Variants in VPS13C observed in about 807,000 individuals in gnomAD.
The protein encoded by VPS13C is vacuolar protein sorting 13 homolog C.
Under a neutral mutation model 456.8 loss-of-function variants are expected in VPS13C, and 358 were observed. The observed-to-expected ratio is 0.78, with a 90% confidence interval of 0.72 to 0.86. The LOEUF (loss-of-function observed/expected upper bound fraction) is 0.86. Among genes scored for constraint, VPS13C ranks in the 40% least tolerant of loss-of-function variants. The pLI is 0.00. For synonymous variants in VPS13C, 1,578 were observed against 1,486.7 expected, an observed-to-expected ratio of 1.06 and a Z score of -1.41; for missense variants, 4,818 against 4,385.4, an observed-to-expected ratio of 1.10 and a Z score of -2.79.
intron 66 of VPS13C, among the ~76,000 whole-genome samples, chr15:61,898,126 C>T (rs181910030): frequency 1.2e-4 from 18 of 151,952 alleles, no homozygotes; most frequent in African/African-American, 3.6e-4. Context: ...AAGGAAGAAC[C>T]GGTACCAGCC....
intron 15 of VPS13C, among the ~76,000 whole-genome samples, chr15:62,001,924 G>C (rs1596458966): frequency 6.6e-6 from 1 of 152,128 alleles, no homozygotes; most frequent in East Asian, 1.9e-4. Context: ...ATCATTGTTG[G>C]ACATTTGGGT....
rs199590167 is a variant in VPS13C at position 61,884,111 on chromosome 15, A to C, written c.9483+17T>G. On this transcript the variant is annotated intron_variant, in intron 68 of 84. Transcript: ENST00000644861. ...AAATACACATATAAAAATCAAAACA[A>C]AAGAATTTTGGTATACCTCAAAATT... is the stretch of plus-strand genomic sequence containing the variant. 110 of 1,566,646 alleles carry C rather than the reference A, an allele frequency of 7.0e-5. No individual in the cohort carries two copies. The highest frequency in any genetic ancestry group is 8.7e-5 in the Non-Finnish European group (101 of 1,166,338).
intron 11 of VPS13C, 81 bp downstream of exon 11, chr15:62,012,958 G>C (rs2047098190): frequency 1.1e-6 from 1 of 878,346 alleles, no homozygotes; most frequent in Non-Finnish European, 1.8e-6. Flanking sequence ...CTGATATCCT[G>C]TCCTCATGAA....
chr15:61,907,312 T>C lies in VPS13C; in HGVS notation c.9057A>G (p.Lys3019=), dbSNP rs750040299. 3.1e-6 allele frequency: 5 copies of C among 1,614,014 alleles called. No individual in the cohort carries two copies. In the South Asian group the frequency reaches 5.5e-5, roughly 18 times the overall value. Residue 3019 remains lysine (K), a synonymous_variant, in exon 66 of 85, where the codon AAA becomes AAG. Transcript: ENST00000644861. The part of the protein sequence containing the change: ...FAWADPTGTR[K]LTWTYAANVG... ...CATTTGCTGCATATGTCCATGTAAG[T>C]TTTCTGGTACCAGTAGGATCTGCCC...
chr15:61,966,977 T>C (rs1240364509), intron 29 of VPS13C, among the ~76,000 whole-genome samples: 1 of 151,968 alleles, frequency 6.6e-6, no homozygotes, highest in African/African-American at 2.4e-5. Flanking sequence ...ATACGAAATA[T>C]TTTCGTGGCC....
intron 16 of VPS13C, among the ~76,000 whole-genome samples, chr15:61,998,785 A>T (rs966567642): frequency 1.3e-5 from 2 of 152,180 alleles, no homozygotes; most frequent in African/African-American, 2.4e-5. Flanking sequence ...GAGTACACTT[A>T]TACAAGGATT....
chr15:62,040,666 T>C (rs191684105), intron 3 of VPS13C, among the ~76,000 whole-genome samples: 89 of 152,126 alleles, frequency 5.9e-4, no homozygotes, highest in Non-Finnish European at 9.3e-4. Context: ...ACTCAATATA[T>C]CCATGTAACA....
At chr15:62,048,364 T>C (rs1036884465) in intron 1 of VPS13C, among the ~76,000 whole-genome samples, 18 of 151,566 alleles carry the variant, frequency 1.2e-4, no homozygotes, top group Admixed American at 2.6e-4. Flanking sequence ...TTTGGTTTTT[T>C]GTCCTTGCGA....
At chr15:62,043,467 G>A (rs139052055) in intron 2 of VPS13C, among the ~76,000 whole-genome samples, 1,944 of 152,180 alleles carry the variant, frequency 0.013, 40 homozygotes, top group African/African-American at 0.045. Context: ...TTACCCAGGC[G>A]TGGTGGCACA....
chr15:61,877,111 G>C lies in VPS13C; in HGVS notation c.10143-57C>G, dbSNP rs547478818. 28 of 1,403,632 alleles carry C rather than the reference G, an allele frequency of 2.0e-5. No individual in the cohort carries two copies. The South Asian group carries it at 3.8e-4, about 19-fold the overall frequency. The allele number at this position is 1,403,632 out of a possible 1,614,324, so 86.9% of individuals were successfully genotyped here. A position where few individuals can be genotyped will look rare whatever the true frequency, so the allele number is the denominator to read the frequency against. On this transcript the variant is annotated intron_variant, in intron 74 of 84. Transcript: ENST00000644861. ...ACTAATATTATATGATAAAAAAAGA[G>C]ACTTAAAATTTGAATGACAGCTAAT...
At chr15:61,950,540 G>C in intron 40 of VPS13C, 123 bp from the exon 41 acceptor site, 4 of 702,782 alleles carry the variant, frequency 5.7e-6, no homozygotes, top group South Asian at 4.6e-5. Flanking sequence ...TTTCCTAAAG[G>C]CAAAGAAAGC....
chr15:61,972,798 A>G, intron 26 of VPS13C, 34 bp from the exon 27 acceptor site: 1 of 1,572,690 alleles, frequency 6.4e-7, no homozygotes, highest in Non-Finnish European at 8.6e-7. Context: ...GATCTGAGAC[A>G]ATGTACATTG....
chr15:61,871,051 G>A (rs1307706725), intron 79 of VPS13C, among the ~76,000 whole-genome samples: 1 of 151,842 alleles, frequency 6.6e-6, no homozygotes, highest in African/African-American at 2.4e-5. Context: ...TCCATTCTGT[G>A]GGCTGTCTTT....
intron 47 of VPS13C, 49 bp from the exon 48 acceptor site, chr15:61,936,799 G>A: frequency 1.3e-6 from 2 of 1,527,248 alleles, no homozygotes; most frequent in African/African-American, 1.4e-5. Context: ...AAAAAATGTA[G>A]ACTATCATAT....
chr15:61,991,062 C>A lies in VPS13C; in HGVS notation c.1516G>T (p.Asp506Tyr). ...TAACCAATGGCAGTGAAGAGTTTAT[C>A]TTTTTCCTCTGGAGTCATAAGGTCA... is the stretch of plus-strand genomic sequence containing the variant. ...IDDLMTPEEK[D>Y]KLFTAIGYSE... Residue 506 changes from aspartate (D) to tyrosine (Y), a missense_variant, in exon 18 of 85, where the codon GAT (aspartate) becomes TAT (tyrosine). Physicochemically the swap from Asp to Tyr is radical, Grantham distance 160. Transcript: ENST00000644861. 1 of 1,612,376 alleles carries A rather than the reference C, an allele frequency of 6.2e-7. No homozygotes were observed. Among genetic ancestry groups the A allele is most frequent in the Non-Finnish European group, 8.5e-7 (1 of 1,179,428 alleles).
At chr15:62,004,717 T>G (rs1232780468) in intron 15 of VPS13C, among the ~76,000 whole-genome samples, 2 of 151,492 alleles carry the variant, frequency 1.3e-5, no homozygotes. Context: ...TCTGGTATGT[T>G]GTGTCTTTGT....
At chr15:61,983,270 A>G (rs1354780145) in intron 20 of VPS13C, among the ~76,000 whole-genome samples, 2 of 152,178 alleles carry the variant, frequency 1.3e-5, no homozygotes, top group Non-Finnish European at 2.9e-5. Context: ...CCTACAAGTG[A>G]TGCAATGAGT....
At position 61,991,743 on chromosome 15, in the gene VPS13C, T is replaced by C. The variant is rs1172752356; in HGVS notation, c.1413A>G (p.Gly471=). 9 of 1,613,512 alleles carry C rather than the reference T, an allele frequency of 5.6e-6. No individual in the cohort carries two copies. The African/African-American group carries it at 1.2e-4, about 22-fold the overall frequency. The stretch of plus-strand genomic sequence containing the variant: ...TACCCCACAACCCACTAAACCAGCC[T>C]CCACGTTTCTCGCCTGTGTCAGCAG... The part of the protein sequence containing the change: ...KKSADTGEKR[G]GWFSGLWGKK... The change falls in exon 17 of 85, where the codon GGA becomes GGG. Residue 471 remains glycine (G), a synonymous_variant. Transcript: ENST00000644861.
chr15:62,012,996 G>T (rs777782050), intron 11 of VPS13C, 43 bp downstream of exon 11: 1 of 1,476,946 alleles, frequency 6.8e-7, no homozygotes, highest in Non-Finnish European at 9.3e-7. Flanking sequence ...CAAATTTAGG[G>T]ATGGGAGTGA....
Sources: allele counts gnomAD v4.1 joint callset (sites outside exome capture counted in the v4.1 genomes callset), GRCh38; gene constraint gnomAD v4.1.1; transcripts MANE v1.5; gene names NCBI Gene and HGNC (gene_info 2026-07-23, HGNC 2026-07-21).